The following RIT2 variants were observed in gnomAD, a reference collection of about 807,000 sequenced individuals.
The protein encoded by RIT2 is Ras like without CAAX 2.
A neutral mutation model predicts 23.7 loss-of-function variants in RIT2; 24 were observed. The ratio of observed to expected loss-of-function variants is 1.01; its 90% CI spans 0.73 to 1.43. RIT2 has a LOEUF of 1.43. Ranked by LOEUF, RIT2 falls within the 40% of genes most tolerant of loss-of-function variation. The pLI, the probability that RIT2 is intolerant of heterozygous loss-of-function variation, is 0.00. For synonymous variants in RIT2, 107 were observed against 91.1 expected (o/e 1.17, Z -0.99); for missense variants, 236 against 266.9 (o/e 0.88, Z 0.81).
At chr18:42,997,560 C>A (rs1200719129) in intron 2 of RIT2, among the ~76,000 whole-genome samples, 1 of 151,156 alleles carries the variant, frequency 6.6e-6, no homozygotes, top group African/African-American at 2.4e-5. Context: ...TATTTTAATG[C>A]CAGAGAGACA....
chr18:43,046,234 A>G (rs1912243685), intron 1 of RIT2, among the ~76,000 whole-genome samples: 1 of 152,232 alleles, frequency 6.6e-6, no homozygotes, highest in South Asian at 2.1e-4. Flanking sequence ...ACATCTGTTC[A>G]AATGAAAAAA....
intron 1 of RIT2, among the ~76,000 whole-genome samples, chr18:43,066,294 C>T (rs1332052617): frequency 6.6e-6 from 1 of 152,104 alleles, no homozygotes; most frequent in East Asian, 1.9e-4. Context: ...TTATGATTGG[C>T]TATTTAATTC....
intron 2 of RIT2, among the ~76,000 whole-genome samples, chr18:42,980,290 A>T (rs1910569578): frequency 6.6e-6 from 1 of 152,104 alleles, no homozygotes; most frequent in South Asian, 2.1e-4. Context: ...ATTTTTTCTC[A>T]TGCTGTAATA....
chr18:42,795,158 GC>G (rs1452777398), intron 4 of RIT2, among the ~76,000 whole-genome samples: 1 of 152,206 alleles, frequency 6.6e-6, no homozygotes, highest in Non-Finnish European at 1.5e-5. Flanking sequence ...CACTTGAGGA[GC>G]CCTTCAGCCC....
chr18:42,994,566 C>T (rs534903003), intron 2 of RIT2, among the ~76,000 whole-genome samples: 41 of 152,258 alleles, frequency 2.7e-4, no homozygotes, highest in African/African-American at 9.9e-4. Flanking sequence ...GCTTTAGAGA[C>T]TGCCCCCACC....
chr18:43,077,314 A>G (rs143272128), intron 1 of RIT2, among the ~76,000 whole-genome samples: 753 of 152,288 alleles, frequency 4.9e-3, no homozygotes, highest in Non-Finnish European at 7.9e-3. Context: ...GAATATTATA[A>G]AGAAATCCAT....
intron 4 of RIT2, among the ~76,000 whole-genome samples, chr18:42,810,085 T>C (rs1278465940): frequency 2.7e-5 from 4 of 147,680 alleles, no homozygotes. Context: ...ATAACATATA[T>C]ATTAAATTAT....
intron 2 of RIT2, among the ~76,000 whole-genome samples, chr18:43,022,019 A>G (rs1598750760): frequency 6.6e-6 from 1 of 152,138 alleles, no homozygotes; most frequent in East Asian, 1.9e-4. Flanking sequence ...TGTTTATTGC[A>G]GCACTATTCA....
chr18:42,781,586 T>C (rs1306843467), intron 4 of RIT2, among the ~76,000 whole-genome samples: 1 of 152,160 alleles, frequency 6.6e-6, no homozygotes, highest in Non-Finnish European at 1.5e-5. Flanking sequence ...CTCATGACTT[T>C]TAGGCACCAG....
intron 4 of RIT2, among the ~76,000 whole-genome samples, chr18:42,760,625 T>C (rs969658747): frequency 1.1e-4 from 17 of 152,216 alleles, no homozygotes; most frequent in African/African-American, 4.1e-4. Flanking sequence ...GCCTGGGTTC[T>C]AGTCCCAGTT....
At chr18:42,992,352 T>C (rs1274321607) in intron 2 of RIT2, among the ~76,000 whole-genome samples, 1 of 152,162 alleles carries the variant, frequency 6.6e-6, no homozygotes, top group Non-Finnish European at 1.5e-5. Flanking sequence ...TGTCGTAAAA[T>C]GGGCAAATGG....
intron 3 of RIT2, among the ~76,000 whole-genome samples, chr18:42,938,822 T>C: frequency 6.6e-6 from 1 of 152,144 alleles, no homozygotes; most frequent in East Asian, 1.9e-4. Flanking sequence ...CACTGCAGCC[T>C]CAACTTCCCA....
chr18:42,899,413 T>G (rs950820335), intron 4 of RIT2, among the ~76,000 whole-genome samples: 2 of 151,254 alleles, frequency 1.3e-5, no homozygotes, highest in Non-Finnish European at 3.0e-5. Context: ...GGCAAGTGAG[T>G]CTTTATTGTC....
intron 1 of RIT2, among the ~76,000 whole-genome samples, chr18:43,082,126 G>A (rs2144348902): frequency 6.6e-6 from 1 of 152,060 alleles, no homozygotes; most frequent in South Asian, 2.1e-4. Context: ...GTCTTGGGAG[G>A]GTGTATGTGT....
At chr18:42,837,605 G>T (rs971478513) in intron 4 of RIT2, among the ~76,000 whole-genome samples, 3 of 152,124 alleles carry the variant, frequency 2.0e-5, no homozygotes, top group Non-Finnish European at 4.4e-5. Context: ...ACTTGCAAAA[G>T]AATTTAGCCA....
At chr18:42,866,357 C>T (rs1209634084) in intron 4 of RIT2, among the ~76,000 whole-genome samples, 1 of 152,132 alleles carries the variant, frequency 6.6e-6, no homozygotes, top group African/African-American at 2.4e-5. Context: ...TAGTCTCTCA[C>T]AGACAAGTGG....
intron 4 of RIT2, among the ~76,000 whole-genome samples, chr18:42,900,542 A>G (rs1190460763): frequency 6.6e-6 from 1 of 152,086 alleles, no homozygotes; most frequent in African/African-American, 2.4e-5. Context: ...TTTTAGTCAA[A>G]GGGTTTCTTT....
chr18:42,782,206 A>G (rs1480045372), intron 4 of RIT2, among the ~76,000 whole-genome samples: 1 of 152,116 alleles, frequency 6.6e-6, no homozygotes, highest in Non-Finnish European at 1.5e-5. Flanking sequence ...CTGCTCAAAA[A>G]TTGTTCTTTG....
At chr18:42,998,729 G>A (rs1007368498) in intron 2 of RIT2, among the ~76,000 whole-genome samples, 15 of 151,948 alleles carry the variant, frequency 9.9e-5, no homozygotes, top group African/African-American at 3.1e-4. Flanking sequence ...AGCCAGACTG[G>A]GCTCCCAATT....
Sources: gnomAD v4.1 joint callset for allele counts (sites outside exome capture counted in the v4.1 genomes callset) on GRCh38, gnomAD v4.1.1 for gene constraint, MANE v1.5 for transcripts, NCBI Gene and HGNC (gene_info 2026-07-23, HGNC 2026-07-21) for gene names.